CDK12: variants seen among roughly 807,000 people sequenced by gnomAD.
CDK12 encodes cyclin dependent kinase 12, also known as cyclin-dependent kinase 12.
In CDK12, 17 loss-of-function variants were observed where a neutral mutation model predicts 133.8. The ratio of observed to expected loss-of-function variants is 0.13; its 90% CI spans 0.09 to 0.19. CDK12 has a LOEUF of 0.19. Ranked by LOEUF, CDK12 falls within the 10% of genes least tolerant of loss-of-function variation. The pLI is 1.00. For missense variants in CDK12, 1,508 were observed against 1,818.7 expected, an observed-to-expected ratio of 0.83 and a Z score of 3.11; for synonymous variants, 694 against 683.6, an observed-to-expected ratio of 1.02 and a Z score of -0.24.
chr17:39,521,464 C>T (rs183974726), intron 11 of CDK12, among the ~76,000 whole-genome samples: 14 of 151,802 alleles, frequency 9.2e-5, no homozygotes, highest in East Asian at 5.9e-4. Context: ...GGTTTCATCA[C>T]GTTGGCCGGG....
chr17:39,526,337 T>C (rs2054497211), intron 13 of CDK12, 21 bp downstream of exon 13: 1 of 1,546,010 alleles, frequency 6.5e-7, no homozygotes, highest in African/African-American at 1.4e-5. Flanking sequence ...CGGTCATGAA[T>C]CTCATTGAGC....
intron 1 of CDK12, among the ~76,000 whole-genome samples, chr17:39,540,044 A>G (rs1251320294): frequency 6.6e-6 from 1 of 152,234 alleles, no homozygotes; most frequent in Non-Finnish European, 1.5e-5. Context: ...GGACTTTTGT[A>G]GCAGTACTTG....
At chr17:39,488,662 A>G (rs777617579) in intron 2 of CDK12, among the ~76,000 whole-genome samples, 2 of 152,178 alleles carry the variant, frequency 1.3e-5, no homozygotes, top group Non-Finnish European at 2.9e-5. Context: ...AATCTTTGCT[A>G]AAATGTAGAG....
At chr17:39,522,158 G>T (rs190383057) in intron 11 of CDK12, among the ~76,000 whole-genome samples, 66 of 152,140 alleles carry the variant, frequency 4.3e-4, no homozygotes, top group Middle Eastern at 3.4e-3. Flanking sequence ...TGCCCAGGCT[G>T]GAGTGCAGTG....
chr17:39,531,253 A>G lies in CDK12; in HGVS notation c.4410A>G (p.Lys1470=). The G allele has an allele frequency of 6.7e-7, 1 of 1,498,184 alleles. No homozygotes were observed. Among genetic ancestry groups the G allele is most frequent in the Admixed American group, 2.4e-5 (1 of 41,766 alleles). The allele number at this position is 1,498,184 out of a possible 1,614,324, so 92.8% of individuals were successfully genotyped here. A position where few individuals can be genotyped will look rare whatever the true frequency, so the allele number is the denominator to read the frequency against. ...CAACTCAGTCTTCTGCTTATGGAAA[A>G]CTCTATCGGGGGCCTACAAGAGTCC... ...GGPTQSSAYG[K]LYRGPTRVPP... is the part of the protein sequence containing the mutation. Residue 1470 remains lysine, a synonymous_variant, in exon 14 of 14, where the codon AAA becomes AAG. Transcript: ENST00000447079.
At position 39,501,359 on chromosome 17, in the gene CDK12, A is replaced by G. The variant is rs760720085; in HGVS notation, c.2529A>G (p.Leu843=). The change falls in exon 6 of 14, where the codon CTA becomes CTG. Residue 843 remains leucine, a synonymous_variant. Coordinates refer to ENST00000447079, the MANE Select transcript of CDK12 (RefSeq NM_016507.4). ...ATATCAAGTCGTTCATGAAACAGCTAATGGAAGGATTGGAATACTGTCACA... is the reference window on the plus strand; with the variant it reads ...ATATCAAGTCGTTCATGAAACAGCTGATGGAAGGATTGGAATACTGTCACA... ...EDHIKSFMKQ[L]MEGLEYCHKK... is the part of the protein sequence containing the mutation. 6.2e-7 allele frequency: 1 copy of G among 1,613,746 alleles called. No individual in the cohort carries two copies. The highest frequency in any genetic ancestry group is 1.1e-5 in the South Asian group (1 of 91,046).
chr17:39,462,352 G>A lies in CDK12; in HGVS notation c.281G>A (p.Arg94Lys), dbSNP rs1390223970. The change falls in exon 1 of 14, where the codon AGG (arginine) becomes AAG (lysine). Residue 94 changes from arginine (R) to lysine (K), a missense_variant. Physicochemically the swap from Arg to Lys is conservative, Grantham distance 26. Transcript: ENST00000447079. ...SDDMAFKLDR[R>K]ENDERRGSDR... Reference sequence around the variant, plus strand: ...GACATGGCCTTCAAACTAGACCGAAGGGAGAACGACGAACGTCGTGGATCA... The same window carrying A: ...GACATGGCCTTCAAACTAGACCGAAAGGAGAACGACGAACGTCGTGGATCA... The A allele has an allele frequency of 6.2e-7, 1 of 1,614,208 alleles. No individual in the cohort carries two copies. Among genetic ancestry groups the A allele is most frequent in the South Asian group, 1.1e-5 (1 of 91,080 alleles).
At chr17:39,553,789 T>C (rs993174200) in intron 2 of CDK12, among the ~76,000 whole-genome samples, 1 of 152,124 alleles carries the variant, frequency 6.6e-6, no homozygotes, top group Non-Finnish European at 1.5e-5. Flanking sequence ...AAGGTTCTGG[T>C]GACTCATAGC....
intron 2 of CDK12, among the ~76,000 whole-genome samples, chr17:39,479,323 A>T (rs1274082964): frequency 6.6e-6 from 1 of 151,742 alleles, no homozygotes; most frequent in Non-Finnish European, 1.5e-5. Flanking sequence ...AAAAAAAAAA[A>T]AAAAAATCTA....
intron 13 of CDK12, among the ~76,000 whole-genome samples, chr17:39,527,371 C>G (rs2054557958): frequency 6.6e-6 from 1 of 152,202 alleles, no homozygotes; most frequent in South Asian, 2.1e-4. Context: ...GTTCTTGTTT[C>G]TCCCCTGCTA....
intron 1 of CDK12, among the ~76,000 whole-genome samples, chr17:39,468,537 A>G (rs7219014): frequency 0.68 from 103,925 of 151,784 alleles, 36,475 homozygotes; most frequent in South Asian, 0.89. Flanking sequence ...GTGCATTGGC[A>G]CAATCTCAGC....
chr17:39,487,697 A>G (rs1430303342), intron 2 of CDK12, among the ~76,000 whole-genome samples: 1 of 148,412 alleles, frequency 6.7e-6, no homozygotes, highest in Non-Finnish European at 1.5e-5. Flanking sequence ...GCTTACTGCA[A>G]CCTTGACCTC....
At chr17:39,479,650 A>G (rs2145479477) in intron 2 of CDK12, among the ~76,000 whole-genome samples, 1 of 151,290 alleles carries the variant, frequency 6.6e-6, no homozygotes, top group African/African-American at 2.4e-5. Flanking sequence ...CCCCCGAGAC[A>G]GAGTCTTGCT....
chr17:39,462,036 G>C lies in CDK12; in HGVS notation c.-36G>C, dbSNP rs376274141. 1.3e-5 allele frequency: 21 copies of C among 1,571,098 alleles called. No homozygotes were observed. Among genetic ancestry groups the C allele is most frequent in the Non-Finnish European group, 1.8e-5 (21 of 1,149,394 alleles). The stretch of plus-strand genomic sequence containing the variant: ...GGGGGTTGCTTTTTGGAGTGCTGGG[G>C]AACTTTTTTCCCTTCTTCAGGTCAG... On this transcript the variant is annotated 5_prime_UTR_variant, in exon 1 of 14. Transcript: ENST00000447079.
In CDK12 at chr17:39,532,812, A is replaced by G; in HGVS notation, c.*1496A>G. Reference sequence around the variant, plus strand: ...AAGGGAAGGGCTGTCAGGATGGGATAATTTGGGAGGCTTCTCATTCTGGCT... The same window carrying G: ...AAGGGAAGGGCTGTCAGGATGGGATGATTTGGGAGGCTTCTCATTCTGGCT... On this transcript the variant is annotated 3_prime_UTR_variant, in exon 14 of 14. Transcript: ENST00000447079. 4.3e-6 allele frequency: 1 copy of G among 232,838 alleles called. No homozygotes were observed. The highest frequency in any genetic ancestry group is 8.5e-6 in the Non-Finnish European group (1 of 117,736). The allele number at this position is 232,838 out of a possible 1,614,324, so 14.4% of individuals were successfully genotyped here.
At chr17:39,538,944 CATACATACATAA>C (rs2055281441), downstream of CDK12, among the ~76,000 whole-genome samples, 1 of 151,910 alleles carries the variant, frequency 6.6e-6, no homozygotes, top group African/African-American at 2.4e-5. Flanking sequence ...TACATACATA[CATACATACATAA>C]GGCTAGTATC....
At chr17:39,481,658 C>CTTTTCTTTTT (rs2050690303) in intron 2 of CDK12, among the ~76,000 whole-genome samples, 2 of 11,120 alleles carry the variant, frequency 1.8e-4, no homozygotes, top group African/African-American at 1.7e-4. Context: ...CTCTCTCTCT[C>CTTTTCTTTTT]TCTCTCTCTC....
At position 39,462,139 on chromosome 17, in the gene CDK12, C is replaced by A. The variant is rs761257011; in HGVS notation, c.68C>A (p.Pro23Gln). 1 of 1,614,044 alleles carries A rather than the reference C, an allele frequency of 6.2e-7. No homozygotes were observed. The highest frequency in any genetic ancestry group is 8.5e-7 in the Non-Finnish European group (1 of 1,180,022). ...GSGGASGTLQ[P>Q]SSGGGSSNSR... ...GGAGGAGCTTCTGGAACTTTGCAGC[C>A]GTCATCGGGAGGCGGCAGCTCTAAC... Residue 23 changes from proline to glutamine, a missense_variant, in exon 1 of 14, where the codon CCG becomes CAG. By Grantham distance (76) the Pro-to-Gln change is moderately conservative (BLOSUM62 -1). This residue lies in a region of CDK12 where 460 missense variants were observed against 490.8 expected (regional missense o/e 0.94). Coordinates refer to ENST00000447079, the MANE Select transcript of CDK12 (RefSeq NM_016507.4).
chr17:39,494,462 C>A, intron 4 of CDK12, 62 bp from the exon 5 acceptor site: 1 of 1,398,448 alleles, frequency 7.2e-7, no homozygotes, highest in Non-Finnish European at 1.0e-6. Context: ...GCATATATTG[C>A]TGGTTCACAA....
Sources: allele counts gnomAD v4.1 joint callset (sites outside exome capture counted in the v4.1 genomes callset), GRCh38; gene constraint gnomAD v4.1.1; regional missense constraint gnomAD v4.1.1; transcripts MANE v1.5; gene names NCBI Gene and HGNC (gene_info 2026-07-23, HGNC 2026-07-21).